SFMBT1: variants seen among roughly 807,000 people sequenced by gnomAD.
SFMBT1 encodes Scm like with four mbt domains 1, also known as scm-like with four MBT domains protein 1.
A neutral mutation model predicts 108.7 loss-of-function variants in SFMBT1; 32 were observed. The ratio of observed to expected loss-of-function variants is 0.29; its 90% confidence interval spans 0.22 to 0.40. The LOEUF (loss-of-function observed/expected upper bound fraction) is 0.40. SFMBT1 is among the 10% of genes least tolerant of loss of function. The pLI is 1.00. For missense variants in SFMBT1, 816 were observed against 1,059.6 expected (o/e 0.77, Z 3.19); for synonymous variants, 348 against 369.5 (o/e 0.94, Z 0.67).
intron 1 of SFMBT1, among the ~76,000 whole-genome samples, chr3:52,988,542 G>C (rs1305084498): frequency 6.6e-6 from 1 of 152,034 alleles, no homozygotes; most frequent in Admixed American, 6.5e-5. Context: ...CAATACCTAA[G>C]AGGCATGCTG....
intron 1 of SFMBT1, among the ~76,000 whole-genome samples, chr3:53,022,604 G>T (rs974133768): frequency 5.3e-5 from 8 of 152,152 alleles, no homozygotes; most frequent in Non-Finnish European, 1.0e-4. Flanking sequence ...TCTGACACGT[G>T]TTACAATGTG....
At chr3:52,968,135 C>A (rs900503659) in intron 2 of SFMBT1, among the ~76,000 whole-genome samples, 1 of 152,146 alleles carries the variant, frequency 6.6e-6, no homozygotes, top group African/African-American at 2.4e-5. Context: ...TCAATATACG[C>A]GAGAGCTTGG....
chr3:52,996,937 C>T (rs1352942628), intron 1 of SFMBT1, among the ~76,000 whole-genome samples: 5 of 149,510 alleles, frequency 3.3e-5, no homozygotes, highest in Admixed American at 2.7e-4. Flanking sequence ...GGCGTAGTGG[C>T]GGTCGCCTGC....
chr3:53,019,628 T>C (rs898184888), intron 1 of SFMBT1, among the ~76,000 whole-genome samples: 6 of 152,328 alleles, frequency 3.9e-5, no homozygotes, highest in African/African-American at 1.4e-4. Flanking sequence ...GCAAGTCCTA[T>C]TGAGTCTAGC....
intron 19 of SFMBT1, 115 bp from the exon 20 acceptor site, chr3:52,906,356 C>A: frequency 6.7e-7 from 1 of 1,496,968 alleles, no homozygotes; most frequent in Non-Finnish European, 9.1e-7. Flanking sequence ...GGTCTTAGGA[C>A]ATGATTTCTC....
intron 3 of SFMBT1, among the ~76,000 whole-genome samples, chr3:52,945,649 C>A (rs1331897826): frequency 6.0e-5 from 9 of 150,664 alleles, no homozygotes; most frequent in Non-Finnish European, 1.3e-4. Flanking sequence ...ACTAAAAACA[C>A]AAAAAAAATT....
chr3:52,916,394 G>C (rs1224363223), intron 13 of SFMBT1, among the ~76,000 whole-genome samples, 180 bp from the exon 14 acceptor site: 1 of 148,628 alleles, frequency 6.7e-6, no homozygotes, highest in African/African-American at 2.5e-5. Flanking sequence ...GAACAAGGCT[G>C]GATGCGGTGG....
At chr3:52,984,856 A>G (rs1704851219) in intron 1 of SFMBT1, among the ~76,000 whole-genome samples, 1 of 151,412 alleles carries the variant, frequency 6.6e-6, no homozygotes, top group Non-Finnish European at 1.5e-5. Flanking sequence ...CAGTTGGCTA[A>G]GTATGACCAC....
At chr3:52,935,679 T>C (rs138778325) in intron 4 of SFMBT1, among the ~76,000 whole-genome samples, 3 of 152,274 alleles carry the variant, frequency 2.0e-5, no homozygotes, top group Non-Finnish European at 4.4e-5. Flanking sequence ...TTAACAATAA[T>C]TCCTTAATAT....
chr3:52,968,520 A>G (rs1362720838), intron 2 of SFMBT1, among the ~76,000 whole-genome samples: 2 of 152,196 alleles, frequency 1.3e-5, no homozygotes, highest in Non-Finnish European at 2.9e-5. Context: ...CTGTGAATGC[A>G]TAATTACTTC....
At chr3:52,978,717 T>C (rs1308357653) in intron 1 of SFMBT1, among the ~76,000 whole-genome samples, 4 of 152,162 alleles carry the variant, frequency 2.6e-5, no homozygotes, top group Non-Finnish European at 5.9e-5. Context: ...ATCAAATGTA[T>C]CAACCAATTA....
chr3:52,928,615 T>C (rs570562535), intron 8 of SFMBT1: 1 of 46,350 alleles, frequency 2.2e-5, no homozygotes, highest in Admixed American at 2.4e-4. Context: ...TATACATATA[T>C]ATACATATAT....
At chr3:52,943,241 A>G in intron 4 of SFMBT1, 112 bp downstream of exon 4, 1 of 1,290,040 alleles carries the variant, frequency 7.8e-7, no homozygotes, top group Non-Finnish European at 1.1e-6. Flanking sequence ...GCTAACCTAG[A>G]AAAGCTGGGT....
At chr3:52,946,808 G>A (rs1703383342) in intron 3 of SFMBT1, among the ~76,000 whole-genome samples, 2 of 139,422 alleles carry the variant, frequency 1.4e-5, no homozygotes, top group African/African-American at 5.3e-5. Flanking sequence ...GTCTTACTCT[G>A]TCACCCAGGC....
At chr3:52,961,206 C>T (rs1287554810) in intron 2 of SFMBT1, among the ~76,000 whole-genome samples, 1 of 152,032 alleles carries the variant, frequency 6.6e-6, no homozygotes, top group African/African-American at 2.4e-5. Context: ...ATAAGCCCGT[C>T]ACAAAAGACA....
intron 1 of SFMBT1, among the ~76,000 whole-genome samples, chr3:52,981,582 T>C (rs1231119328): frequency 6.7e-6 from 1 of 149,270 alleles, no homozygotes; most frequent in African/African-American, 2.5e-5. Flanking sequence ...TCTCACTACA[T>C]TGAGCAGACT....
rs927417465 is a variant in SFMBT1 at position 53,030,214 on chromosome 3, A to G, written c.-131+15602T>C. On this transcript the variant is annotated intron_variant, in intron 1 of 20. Transcript: ENST00000394752. ...ACTTGGATATATCCAAGATATTTTC[A>G]GTGAAAAGAGCGAAGTGCAAAACAA... Among the ~76,000 whole-genome samples, 3 of 152,200 alleles carry G rather than the reference A, an allele frequency of 2.0e-5. No individual in the cohort carries two copies. The East Asian group carries it at 5.8e-4, about 29-fold the overall frequency.
chr3:52,920,115 G>A (rs770795388), intron 12 of SFMBT1, among the ~76,000 whole-genome samples: 8 of 152,212 alleles, frequency 5.3e-5, no homozygotes, highest in Non-Finnish European at 1.2e-4. Flanking sequence ...CCTGGATCTT[G>A]GGCTTCCCAG....
intron 8 of SFMBT1, among the ~76,000 whole-genome samples, chr3:52,929,350 T>C (rs1702787823): frequency 6.6e-6 from 1 of 151,910 alleles, no homozygotes; most frequent in African/African-American, 2.4e-5. Context: ...AGCGATTCTC[T>C]CACCTCAGCC....
Sources: allele counts gnomAD v4.1 joint callset (sites outside exome capture counted in the v4.1 genomes callset), GRCh38; gene constraint gnomAD v4.1.1; transcripts MANE v1.5; gene names NCBI Gene and HGNC (gene_info 2026-07-23, HGNC 2026-07-21).